MYBL2: variants seen among roughly 807,000 people sequenced by gnomAD.
MYBL2 encodes the protein myb-related protein B.
A neutral mutation model predicts 79.9 loss-of-function variants in MYBL2; 28 were observed. The observed-to-expected ratio is 0.35, with a 90% CI of 0.26 to 0.48. The LOEUF (loss-of-function observed/expected upper bound fraction) is 0.48. Ranked by LOEUF, MYBL2 falls within the 20% of genes least tolerant of loss-of-function variation. MYBL2 has a pLI of 0.99. For synonymous variants in MYBL2, 378 were observed against 361.2 expected, an observed-to-expected ratio of 1.05 and a Z score of -0.53; for missense variants, 735 against 893.9, an observed-to-expected ratio of 0.82 and a Z score of 2.27.
At position 43,716,245 on chromosome 20, in the gene MYBL2, C is replaced by G; in HGVS notation, c.*158C>G. On this transcript the variant is annotated 3_prime_UTR_variant, in exon 14 of 14. Transcript: ENST00000217026. ...CAGGTGGAGGCAACAGGGCCATGTG[C>G]TGCCCTGTTGCCGAGCCCAGCTGTG... is the stretch of plus-strand genomic sequence containing the variant. 1 of 1,113,686 alleles carries G rather than the reference C, an allele frequency of 9.0e-7. No homozygotes were observed. The highest frequency in any genetic ancestry group is 1.2e-6 in the Non-Finnish European group (1 of 810,574). The allele number at this position is 1,113,686 out of a possible 1,614,324, so 69.0% of individuals were successfully genotyped here.
intron 8 of MYBL2, among the ~76,000 whole-genome samples, chr20:43,704,715 T>C (rs1987742071): frequency 6.6e-6 from 1 of 152,204 alleles, no homozygotes; most frequent in Admixed American, 6.5e-5. Flanking sequence ...TTTTCTTATC[T>C]GTAAAAGGGG....
In MYBL2 at chr20:43,716,383, A is replaced by G. The variant is rs1198628863; in HGVS notation, c.*296A>G. On this transcript the variant is annotated 3_prime_UTR_variant, in exon 14 of 14. Transcript: ENST00000217026. ...CCAAGCCCACGTCAGGCCTGGCCTC[A>G]TCTCAGACCCTGCTTAGGATGGGGG... 3 of 430,812 alleles carry G rather than the reference A, an allele frequency of 7.0e-6. No individual in the cohort carries two copies. Among genetic ancestry groups the G allele is most frequent in the African/African-American group, 6.2e-5 (3 of 48,236 alleles). 26.7% of individuals were successfully genotyped at this position (430,812 alleles called of 1,614,324 possible). A position where few individuals can be genotyped will look rare whatever the true frequency, so the allele number is the denominator to read the frequency against.
intron 2 of MYBL2, 112 bp from the exon 3 acceptor site, chr20:43,681,672 C>A: frequency 9.0e-7 from 1 of 1,112,642 alleles, no homozygotes; most frequent in South Asian, 1.3e-5. Context: ...GTATTCACTT[C>A]ATGACGGAAT....
At chr20:43,669,406 C>T (rs1008698428) in intron 1 of MYBL2, among the ~76,000 whole-genome samples, 1 of 152,202 alleles carries the variant, frequency 6.6e-6, no homozygotes, top group Admixed American at 6.6e-5. Flanking sequence ...GTGGAGGAAC[C>T]CCTCCTGTGT....
At chr20:43,670,391 G>C (rs1483746226) in intron 1 of MYBL2, among the ~76,000 whole-genome samples, 1 of 152,154 alleles carries the variant, frequency 6.6e-6, no homozygotes, top group Non-Finnish European at 1.5e-5. Context: ...CTTCTGTATT[G>C]CTGACTGTAG....
At chr20:43,692,405 G>A in intron 6 of MYBL2, 86 bp downstream of exon 6, 1 of 1,532,026 alleles carries the variant, frequency 6.5e-7, no homozygotes, top group Non-Finnish European at 8.9e-7. Context: ...ACAGCTATTG[G>A]TCAGTTTCTG....
At chr20:43,711,399 C>A in intron 10 of MYBL2, 89 bp from the exon 11 acceptor site, 1 of 955,028 alleles carries the variant, frequency 1.0e-6, no homozygotes, top group Non-Finnish European at 1.6e-6. Flanking sequence ...CCCAGGACAG[C>A]CCAGTTGCAG....
chr20:43,678,753 G>A (rs1987073952), intron 2 of MYBL2, among the ~76,000 whole-genome samples: 1 of 151,528 alleles, frequency 6.6e-6, no homozygotes, highest in Admixed American at 6.6e-5. Context: ...AGCAATTTGG[G>A]AGGCTGAGGC....
chr20:43,692,416 CCA>C (rs1355702099), intron 6 of MYBL2, 97 bp downstream of exon 6: 1 of 1,482,632 alleles, frequency 6.7e-7, no homozygotes, highest in African/African-American at 1.4e-5. Flanking sequence ...TCAGTTTCTG[CCA>C]CAGAGTCTAA....
intron 6 of MYBL2, among the ~76,000 whole-genome samples, chr20:43,693,419 A>C (rs1230163021): frequency 6.6e-6 from 1 of 151,928 alleles, no homozygotes; most frequent in Non-Finnish European, 1.5e-5. Flanking sequence ...GCTCACTGCA[A>C]CCTCCGCCTC....
chr20:43,706,465 T>G (rs1033862670), intron 9 of MYBL2, among the ~76,000 whole-genome samples: 1 of 152,122 alleles, frequency 6.6e-6, no homozygotes. Flanking sequence ...TTGATACATT[T>G]GCTGGAGGAG....
At chr20:43,698,239 T>G (rs1987596549) in intron 6 of MYBL2, among the ~76,000 whole-genome samples, 1 of 151,896 alleles carries the variant, frequency 6.6e-6, no homozygotes. Context: ...TCGTTTGTTT[T>G]ATAGAGATGG....
Position 43,715,244 on chromosome 20 carries a change from G to A in MYBL2, c.1935G>A (p.Val645=). Reference sequence around the variant, plus strand: ...AGGCCAAGCCCGAGAAGGCAGCAGTGGCCCAGAAGCCCCGAAGCCACTTCA... The same window carrying A: ...AGGCCAAGCCCGAGAAGGCAGCAGTAGCCCAGAAGCCCCGAAGCCACTTCA... The part of the protein sequence containing the change: ...FLQAKPEKAA[V]AQKPRSHFTT... Residue 645 remains valine, a synonymous_variant, in exon 13 of 14, where the codon GTG becomes GTA. Transcript: ENST00000217026. 6.2e-7 allele frequency: 1 copy of A among 1,614,252 alleles called. No homozygotes were observed.
chr20:43,670,426 T>G (rs1312193063), intron 1 of MYBL2, among the ~76,000 whole-genome samples: 1 of 152,220 alleles, frequency 6.6e-6, no homozygotes, highest in East Asian at 1.9e-4. Context: ...TTCCTATTTC[T>G]GAAAATTTTT....
At chr20:43,677,792 G>A (rs575513008) in intron 2 of MYBL2, among the ~76,000 whole-genome samples, 2 of 152,234 alleles carry the variant, frequency 1.3e-5, no homozygotes, top group Non-Finnish European at 2.9e-5. Flanking sequence ...CCACCACCCC[G>A]TCTGGGAGGT....
intron 9 of MYBL2, among the ~76,000 whole-genome samples, chr20:43,707,198 A>ATTTT (rs1987811434): frequency 1.3e-5 from 2 of 150,876 alleles, no homozygotes; most frequent in Admixed American, 6.6e-5. Flanking sequence ...TTTTTTTTAA[A>ATTTT]AAAAAAAGAG....
intron 1 of MYBL2, 146 bp from the exon 2 acceptor site, chr20:43,673,660 G>A: frequency 1.3e-6 from 1 of 768,854 alleles, no homozygotes; most frequent in South Asian, 1.4e-5. Context: ...TGAAGCAGAA[G>A]TGCCTATGTC....
At chr20:43,694,887 T>A (rs1268715795) in intron 6 of MYBL2, among the ~76,000 whole-genome samples, 3 of 152,084 alleles carry the variant, frequency 2.0e-5, no homozygotes, top group African/African-American at 7.2e-5. Context: ...TAGGACAGAG[T>A]GAACAGATCT....
Position 43,715,097 on chromosome 20 carries a change from G to A in MYBL2, c.1825-37G>A, listed in dbSNP as rs758793228. On this transcript the variant is annotated intron_variant, in intron 12 of 13. Coordinates refer to ENST00000217026, the MANE Select transcript of MYBL2 (RefSeq NM_002466.4). ...TTTTTCTTCCCTCTCACAGCTTCTC[G>A]CAAAATGGTGACTCCTTGACTTGGT... The A allele has an allele frequency of 5.6e-6, 9 of 1,608,530 alleles. No homozygotes were observed. In the East Asian group the frequency reaches 6.7e-5, roughly 12 times the overall value.
Sources: allele counts gnomAD v4.1 joint callset (sites outside exome capture counted in the v4.1 genomes callset), GRCh38; gene constraint gnomAD v4.1.1; transcripts MANE v1.5; gene names NCBI Gene and HGNC (gene_info 2026-07-23, HGNC 2026-07-21).